The following TGFB1I1 variants were observed in gnomAD, a reference collection of about 807,000 sequenced individuals.
The protein encoded by TGFB1I1 is transforming growth factor beta 1 induced transcript 1.
A neutral mutation model predicts 52.0 loss-of-function variants in TGFB1I1; 33 were observed. That is an observed-to-expected ratio of 0.63 (90% CI 0.48 to 0.85). The LOEUF is 0.85. TGFB1I1 is among the 40% of genes least tolerant of loss of function. The pLI, the probability that TGFB1I1 is intolerant of heterozygous loss-of-function variation, is 0.00. For missense variants in TGFB1I1, 577 were observed against 614.9 expected (o/e 0.94, Z 0.65); for synonymous variants, 236 against 253.3 (o/e 0.93, Z 0.65).
Position 31,476,624 on chromosome 16 carries a change from C to A in TGFB1I1, c.970+62C>A. ...GGTCCCCTCGACGTCTCGCCCCAGC[C>A]CCTCCGACCTCCGGAGTCCTCAGGG... On this transcript the variant is annotated intron_variant, in intron 9 of 10. Transcript: ENST00000394863. The surrounding 1 kb of genome is among the most constrained non-coding windows in gnomAD (Gnocchi z 7.6). The A allele has an allele frequency of 6.5e-7, 1 of 1,548,240 alleles. No individual in the cohort carries two copies.
In TGFB1I1 at chr16:31,476,487, G is replaced by T; in HGVS notation, c.895G>T (p.Val299Leu). The T allele has an allele frequency of 6.2e-7, 1 of 1,612,564 alleles. No individual in the cohort carries two copies. Among genetic ancestry groups the T allele is most frequent in the Non-Finnish European group, 8.5e-7 (1 of 1,179,688 alleles). Residue 299 changes from valine to leucine, a missense_variant, in exon 9 of 11, where the codon GTG (valine) becomes TTG (leucine). This residue lies in a region of TGFB1I1 where 456 missense variants were observed against 461.6 expected (regional missense o/e 0.99). Transcript: ENST00000394863. The surrounding 1 kb of genome is among the most constrained non-coding windows in gnomAD (Gnocchi z 7.6). ...FCNQPIRHKM[V>L]TALGTHWHPE... The stretch of plus-strand genomic sequence containing the variant: ...GCCCTCTCCCTCCCTGCAGAAGATG[G>T]TGACCGCCTTGGGCACTCACTGGCA...
chr16:31,477,646 G>C lies in TGFB1I1; in HGVS notation c.*70G>C. 1.3e-6 allele frequency: 2 copies of C among 1,491,528 alleles called. No homozygotes were observed. The highest frequency in any genetic ancestry group is 1.8e-6 in the Non-Finnish European group (2 of 1,124,032). 92.4% of individuals were successfully genotyped at this position (1,491,528 alleles called of 1,614,324 possible). A position where few individuals can be genotyped will look rare whatever the true frequency, so the allele number is the denominator to read the frequency against. ...GGAAAAGCCGGGTCCTCCAGACCCC[G>C]AGGCCTTGCTCTCAGAGCGGGAGGC... On this transcript the variant is annotated 3_prime_UTR_variant, in exon 11 of 11. Coordinates refer to ENST00000394863, the MANE Select transcript of TGFB1I1 (RefSeq NM_001042454.3). This position sits in a 1 kb window ranked among gnomAD's most constrained non-coding sequence, Gnocchi z 4.7.
chr16:31,473,902 G>GGGCTCT lies in TGFB1I1; in HGVS notation c.251_252insGCTCTG (p.Gly84_Val85insLeuCys). The GGGCTCT allele has an allele frequency of 6.2e-7, 1 of 1,614,114 alleles. No individual in the cohort carries two copies. Among genetic ancestry groups the GGGCTCT allele is most frequent in the Non-Finnish European group, 8.5e-7 (1 of 1,180,020 alleles). On this transcript the variant is annotated inframe_insertion, in exon 4 of 11. Transcript: ENST00000394863. ...GGCCCCTCCATTCTCCTCTTCCAGC[G>GGGCTCT]GTGTCTTGGGTACCGGGCTCTGTGA... is the stretch of plus-strand genomic sequence containing the variant.
In TGFB1I1 at chr16:31,477,814, T is replaced by G; in HGVS notation, c.*238T>G. On this transcript the variant is annotated 3_prime_UTR_variant, in exon 11 of 11. Coordinates refer to ENST00000394863, the MANE Select transcript of TGFB1I1 (RefSeq NM_001042454.3). The surrounding 1 kb of genome is among the most constrained non-coding windows in gnomAD (Gnocchi z 4.7). ...AACTCCCGTGCGGGCCTCCACTCTA[T>G]TCCCACCCTTGAGGGAGCCCCCTTA... is the stretch of plus-strand genomic sequence containing the variant. The G allele has an allele frequency of 2.9e-5, 16 of 549,322 alleles. No homozygotes were observed. The highest frequency in any genetic ancestry group is 9.6e-5 in the East Asian group (3 of 31,400). 34.0% of individuals were successfully genotyped at this position (549,322 alleles called of 1,614,324 possible). A position where few individuals can be genotyped will look rare whatever the true frequency, so the allele number is the denominator to read the frequency against.
Position 31,476,826 on chromosome 16 carries a change from C to T in TGFB1I1, c.971-36C>T. The T allele has an allele frequency of 1.9e-6, 3 of 1,610,990 alleles. No homozygotes were observed. Among genetic ancestry groups the T allele is most frequent in the Non-Finnish European group, 2.5e-6 (3 of 1,179,638 alleles). On this transcript the variant is annotated intron_variant, in intron 9 of 10. Transcript: ENST00000394863. This position sits in a 1 kb window ranked among gnomAD's most constrained non-coding sequence, Gnocchi z 7.6. The stretch of plus-strand genomic sequence containing the variant: ...TTGTGGGTCCCCCGTCCCGCCCGCA[C>T]CCTTTGCTTTCAGCCCACTCGGTTC...
Position 31,474,019 on chromosome 16 carries a change from G to A in TGFB1I1, c.325+42G>A, listed in dbSNP as rs993469406. 3 of 1,607,414 alleles carry A rather than the reference G, an allele frequency of 1.9e-6. No individual in the cohort carries two copies. In the African/African-American group the frequency reaches 4.0e-5, roughly 22 times the overall value. On this transcript the variant is annotated intron_variant, in intron 4 of 10. Coordinates refer to ENST00000394863, the MANE Select transcript of TGFB1I1 (RefSeq NM_001042454.3). The surrounding 1 kb of genome is among the most constrained non-coding windows in gnomAD (Gnocchi z 4.2). ...GAGAGGCCTTGATGCGATAGGGGCA[G>A]GGGAGGGAAGGGTGGGGCAGAGACT...
In TGFB1I1 at chr16:31,474,237, C is replaced by A. The variant is rs761600660; in HGVS notation, c.411C>A (p.Ser137Arg). 6.2e-7 allele frequency: 1 copy of A among 1,614,162 alleles called. No individual in the cohort carries two copies. Among genetic ancestry groups the A allele is most frequent in the East Asian group, 2.2e-5 (1 of 44,880 alleles). The change falls in exon 5 of 11, where the codon AGC becomes AGA. Residue 137 changes from serine (S) to arginine (R), a missense_variant and splice_region_variant. By Grantham distance (110) the Ser-to-Arg change is moderately radical. Transcript: ENST00000394863. This position sits in a 1 kb window ranked among gnomAD's most constrained non-coding sequence, Gnocchi z 4.2. The part of the protein sequence containing the change: ...EDQSEDKKRP[S>R]LPSSPSPGLP... ...AGTCTGAAGATAAGAAAAGACCCAGCCTGTGAGTTTGGCGTCGTTGTCAGG... is the reference window on the plus strand; with the variant it reads ...AGTCTGAAGATAAGAAAAGACCCAGACTGTGAGTTTGGCGTCGTTGTCAGG...
At position 31,474,210 on chromosome 16, in the gene TGFB1I1, C is replaced by G. The variant is rs780073679; in HGVS notation, c.384C>G (p.Asp128Glu). Residue 128 changes from aspartate (D) to glutamate (E), a missense_variant, in exon 5 of 11, where the codon GAC (aspartate) becomes GAG (glutamate). Asp to Glu is a conservative substitution (Grantham distance 45, BLOSUM62 2). Around this residue, in one of 3 missense-constraint regions of TGFB1I1, gnomAD observed 456 missense variants for 461.6 expected, o/e 0.99. Coordinates refer to ENST00000394863, the MANE Select transcript of TGFB1I1 (RefSeq NM_001042454.3). The surrounding 1 kb of genome is among the most constrained non-coding windows in gnomAD (Gnocchi z 4.2). ...SKVASGEQKEDQSEDKKRPSL... is the reference protein window; with the variant it reads ...SKVASGEQKEEQSEDKKRPSL... The stretch of plus-strand genomic sequence containing the variant: ...TGGCTTCAGGAGAGCAGAAGGAGGA[C>G]CAGTCTGAAGATAAGAAAAGACCCA... 1.2e-6 allele frequency: 2 copies of G among 1,614,098 alleles called. No homozygotes were observed. The highest frequency in any genetic ancestry group is 1.7e-6 in the Non-Finnish European group (2 of 1,180,022).
In TGFB1I1 at chr16:31,477,341, T is replaced by G. The variant is rs748716102; in HGVS notation, c.1151T>G (p.Phe384Cys). Residue 384 changes from phenylalanine (F) to cysteine (C), a missense_variant, in exon 11 of 11, where the codon TTT becomes TGT. Physicochemically the swap from Phe to Cys is radical, Grantham distance 205. Around this residue, in one of 3 missense-constraint regions of TGFB1I1, gnomAD observed 456 missense variants for 461.6 expected, o/e 0.99. Coordinates refer to ENST00000394863, the MANE Select transcript of TGFB1I1 (RefSeq NM_001042454.3). The surrounding 1 kb of genome is among the most constrained non-coding windows in gnomAD (Gnocchi z 4.7). The stretch of plus-strand genomic sequence containing the variant: ...TTCGCGCCCTTCTCGGGAGGCAGCT[T>G]TTTCGAGCACGAGGGCCGCCCGTTG... ...ECFAPFSGGS[F>C]FEHEGRPLCE... The G allele has an allele frequency of 5.0e-6, 8 of 1,610,982 alleles. No individual in the cohort carries two copies. The highest frequency in any genetic ancestry group is 1.3e-5 in the African/African-American group (1 of 74,828).
rs1426252719 is a variant in TGFB1I1 at position 31,472,412 on chromosome 16, T to A, written c.13+211T>A. Reference sequence around the variant, plus strand: ...CGCTCCCTCCCTTCTTCCCTCGCTGTGCTCCTCCATCCCAGGCTGCGGCAG... The same window carrying A: ...CGCTCCCTCCCTTCTTCCCTCGCTGAGCTCCTCCATCCCAGGCTGCGGCAG... On this transcript the variant is annotated intron_variant, in intron 1 of 10. Coordinates refer to ENST00000394863, the MANE Select transcript of TGFB1I1 (RefSeq NM_001042454.3). 4.8e-6 allele frequency: 4 copies of A among 837,290 alleles called. No homozygotes were observed. The East Asian group carries it at 1.3e-4, about 28-fold the overall frequency. 51.9% of individuals were successfully genotyped at this position (837,290 alleles called of 1,614,324 possible). A position where few individuals can be genotyped will look rare whatever the true frequency, so the allele number is the denominator to read the frequency against.
chr16:31,474,720 G>A lies in TGFB1I1; in HGVS notation c.677G>A (p.Gly226Asp), dbSNP rs1188550847. 22 of 1,612,076 alleles carry A rather than the reference G, an allele frequency of 1.4e-5. No homozygotes were observed. Among genetic ancestry groups the A allele is most frequent in the Non-Finnish European group, 1.9e-5 (22 of 1,179,374 alleles). The change falls in exon 7 of 11, where the codon GGC becomes GAC. Residue 226 changes from glycine to aspartate, a missense_variant. Gly to Asp is a moderately conservative substitution (Grantham distance 94, BLOSUM62 -1). This residue lies in a region of TGFB1I1 where 456 missense variants were observed against 461.6 expected (regional missense o/e 0.99). Transcript: ENST00000394863. The surrounding 1 kb of genome is among the most constrained non-coding windows in gnomAD (Gnocchi z 4.2). ...SRRGVPTQAK[G>D]LCGSCNKPIA... ...CGGGGTGTTCCCACCCAGGCCAAAG[G>A]CCTCTGTGGCTCCTGCAATAAACCT...
chr16:31,477,477 C>A lies in TGFB1I1; in HGVS notation c.1287C>A (p.Phe429Leu). 6.2e-7 allele frequency: 1 copy of A among 1,605,172 alleles called. No individual in the cohort carries two copies. The highest frequency in any genetic ancestry group is 2.2e-5 in the East Asian group (1 of 44,466). The change falls in exon 11 of 11, where the codon TTC (phenylalanine) becomes TTA (leucine). Residue 429 changes from phenylalanine to leucine, a missense_variant. This residue lies in a region of TGFB1I1 where 456 missense variants were observed against 461.6 expected (regional missense o/e 0.99). Transcript: ENST00000394863. The surrounding 1 kb of genome is among the most constrained non-coding windows in gnomAD (Gnocchi z 4.7). Reference sequence around the variant, plus strand: ...GTCGCCGCTTCCACCCGGACCACTTCACATGCACCTTCTGCCTGCGCCCGC... The same window carrying A: ...GTCGCCGCTTCCACCCGGACCACTTAACATGCACCTTCTGCCTGCGCCCGC... ...ALGRRFHPDH[F>L]TCTFCLRPLT...
chr16:31,476,418 C>A lies in TGFB1I1; in HGVS notation c.889-63C>A. 1 of 1,524,712 alleles carries A rather than the reference C, an allele frequency of 6.6e-7. No homozygotes were observed. The allele number at this position is 1,524,712 out of a possible 1,614,324, so 94.4% of individuals were successfully genotyped here. Reference sequence around the variant, plus strand: ...TGCCTTAGTCCAGTCACCCGGGTTCCGCGCGGGAGAGGAAGGCGCGAAGGC... The same window carrying A: ...TGCCTTAGTCCAGTCACCCGGGTTCAGCGCGGGAGAGGAAGGCGCGAAGGC... On this transcript the variant is annotated intron_variant, in intron 8 of 10. Coordinates refer to ENST00000394863, the MANE Select transcript of TGFB1I1 (RefSeq NM_001042454.3). The surrounding 1 kb of genome is among the most constrained non-coding windows in gnomAD (Gnocchi z 7.6).
chr16:31,477,603 C>A lies in TGFB1I1; in HGVS notation c.*27C>A. On this transcript the variant is annotated 3_prime_UTR_variant, in exon 11 of 11. Coordinates refer to ENST00000394863, the MANE Select transcript of TGFB1I1 (RefSeq NM_001042454.3). The surrounding 1 kb of genome is among the most constrained non-coding windows in gnomAD (Gnocchi z 4.7). ...AGCCCGCTCGGCTCGCCCTCTCCCC[C>A]GGAGGCCGCGCCCTCCCGGAAAAGC... The A allele has an allele frequency of 1.9e-6, 3 of 1,566,470 alleles. No homozygotes were observed. The highest frequency in any genetic ancestry group is 2.3e-5 in the East Asian group (1 of 42,876).
At position 31,473,514 on chromosome 16, in the gene TGFB1I1, G is replaced by A. The variant is rs746438694; in HGVS notation, c.87G>A (p.Ala29=). The A allele has an allele frequency of 1.4e-5, 22 of 1,613,736 alleles. No individual in the cohort carries two copies. The highest frequency in any genetic ancestry group is 1.7e-5 in the Non-Finnish European group (20 of 1,180,032). The part of the protein sequence containing the change: ...PRSGAPKERP[A]EPLTPPPSYG... ...CAGGGGCTCCCAAAGAGCGCCCTGCGGAGCCTCTCACCCCTCCCCCATCCT... is the reference window on the plus strand; with the variant it reads ...CAGGGGCTCCCAAAGAGCGCCCTGCAGAGCCTCTCACCCCTCCCCCATCCT... The change falls in exon 2 of 11, where the codon GCG becomes GCA. Residue 29 remains alanine, a synonymous_variant. Coordinates refer to ENST00000394863, the MANE Select transcript of TGFB1I1 (RefSeq NM_001042454.3).
chr16:31,473,920 C>T lies in TGFB1I1; in HGVS notation c.268C>T (p.Leu90Phe), dbSNP rs140328458. The T allele has an allele frequency of 3.7e-6, 6 of 1,614,076 alleles. No homozygotes were observed. The highest frequency in any genetic ancestry group is 5.1e-6 in the Non-Finnish European group (6 of 1,180,016). The part of the protein sequence containing the change: ...SSSSGVLGTG[L>F]CELDRLLQEL... Reference sequence around the variant, plus strand: ...TTCCAGCGGTGTCTTGGGTACCGGGCTCTGTGAGCTAGATCGGTTGCTTCA... The same window carrying T: ...TTCCAGCGGTGTCTTGGGTACCGGGTTCTGTGAGCTAGATCGGTTGCTTCA... The change falls in exon 4 of 11, where the codon CTC (leucine) becomes TTC (phenylalanine). Residue 90 changes from leucine to phenylalanine, a missense_variant. Leu to Phe is a conservative substitution (Grantham distance 22, BLOSUM62 0). Around this residue, in one of 3 missense-constraint regions of TGFB1I1, gnomAD observed 113 missense variants for 123.9 expected, o/e 0.91. Transcript: ENST00000394863.
Position 31,476,362 on chromosome 16 carries a change from T to C in TGFB1I1, c.889-119T>C, listed in dbSNP as rs1369042122. The C allele has an allele frequency of 6.6e-6, 8 of 1,211,514 alleles. No homozygotes were observed. Among genetic ancestry groups the C allele is most frequent in the Non-Finnish European group, 9.2e-6 (8 of 869,368 alleles). The allele number at this position is 1,211,514 out of a possible 1,614,324, so 75.0% of individuals were successfully genotyped here. On this transcript the variant is annotated intron_variant, in intron 8 of 10. Coordinates refer to ENST00000394863, the MANE Select transcript of TGFB1I1 (RefSeq NM_001042454.3). The surrounding 1 kb of genome is among the most constrained non-coding windows in gnomAD (Gnocchi z 7.6). ...TCTTCCTTTCTGACCCCCACGTTCC[T>C]AGTTAGATCTTCTCCCCCTCCCCCC...
intron 1 of TGFB1I1, chr16:31,472,677 G>A (rs1386720762): frequency 6.5e-6 from 1 of 154,234 alleles, no homozygotes; most frequent in Non-Finnish European, 1.4e-5. Context: ...TAACTCAGGA[G>A]TGCCTAGGCG....
At chr16:31,475,001 CT>C in intron 7 of TGFB1I1, 1 of 527,386 alleles carries the variant, frequency 1.9e-6, no homozygotes, top group Non-Finnish European at 3.4e-6. Context: ...GTGCCAGCTC[CT>C]TTACAAACCC....
Sources: allele counts gnomAD v4.1 joint callset, GRCh38; gene constraint gnomAD v4.1.1; regional missense constraint gnomAD v4.1.1; non-coding constraint Gnocchi (gnomAD v3.1); transcripts MANE v1.5; gene names NCBI Gene and HGNC (gene_info 2026-07-23, HGNC 2026-07-21).